GNB1: variants seen among roughly 807,000 people sequenced by gnomAD.
The protein encoded by GNB1 is G protein subunit beta 1.
GNB1 carries 2 observed loss-of-function variants against 42.9 expected under a neutral mutation model. The ratio of observed to expected loss-of-function variants is 0.05; its 90% CI spans 0.02 to 0.15. GNB1 has a LOEUF of 0.15. GNB1 is among the 10% of genes least tolerant of loss of function. The pLI, the probability that GNB1 is intolerant of heterozygous loss-of-function variation, is 1.00. For synonymous variants in GNB1, 183 were observed against 174.7 expected, an observed-to-expected ratio of 1.05 and a Z score of -0.38; for missense variants, 193 against 462.2, an observed-to-expected ratio of 0.42 and a Z score of 5.34.
chr1:1,788,453 C>A (rs1036050827), intron 10 of GNB1: 2 of 155,350 alleles, frequency 1.3e-5, no homozygotes, highest in Non-Finnish European at 2.9e-5. Context: ...CTGGTCCCCC[C>A]AGGCTGGGGA....
At chr1:1,887,705 T>A (rs1650232534) in intron 1 of GNB1, among the ~76,000 whole-genome samples, 1 of 152,292 alleles carries the variant, frequency 6.6e-6, no homozygotes, top group African/African-American at 2.4e-5. Context: ...AACCCCTGCC[T>A]CCCGGGTTCA....
At chr1:1,816,500 C>G (rs1336141997) in intron 4 of GNB1, among the ~76,000 whole-genome samples, 2 of 151,904 alleles carry the variant, frequency 1.3e-5, no homozygotes, top group Non-Finnish European at 2.9e-5. Flanking sequence ...ATTTTTTTTT[C>G]TTTAACTTAC....
chr1:1,872,103 G>A (rs1312912153), intron 1 of GNB1, among the ~76,000 whole-genome samples: 1 of 151,666 alleles, frequency 6.6e-6, no homozygotes, highest in Non-Finnish European at 1.5e-5. Flanking sequence ...CTGGGCTGAA[G>A]CGATGCTCCC....
At chr1:1,855,158 C>CAA (rs35111543) in intron 1 of GNB1, among the ~76,000 whole-genome samples, 24 of 133,114 alleles carry the variant, frequency 1.8e-4, no homozygotes, top group South Asian at 1.7e-3. Context: ...GACCGTATCT[C>CAA]AAAAAAAAAA....
At chr1:1,839,883 G>A (rs890534021) in intron 1 of GNB1, among the ~76,000 whole-genome samples, 3 of 151,846 alleles carry the variant, frequency 2.0e-5, no homozygotes, top group Non-Finnish European at 2.9e-5. Context: ...GTCTGGGCGC[G>A]GTGGCTCACA....
intron 3 of GNB1, among the ~76,000 whole-genome samples, chr1:1,820,703 A>G (rs1646920429): frequency 6.6e-6 from 1 of 152,236 alleles, no homozygotes; most frequent in South Asian, 2.1e-4. Flanking sequence ...GATTTAAGCA[A>G]CTTCCCCCGG....
intron 7 of GNB1, among the ~76,000 whole-genome samples, chr1:1,802,110 A>G (rs1181552742): frequency 1.3e-5 from 2 of 152,262 alleles, no homozygotes; most frequent in Non-Finnish European, 2.9e-5. Flanking sequence ...TAGAAAATCC[A>G]TAATCATTTT....
chr1:1,884,252 A>G (rs1264609113), intron 1 of GNB1, among the ~76,000 whole-genome samples: 4 of 151,542 alleles, frequency 2.6e-5, no homozygotes, highest in Admixed American at 2.0e-4. Context: ...GGCATGCATC[A>G]CCATGCCTGG....
At chr1:1,848,108 G>A (rs966362249) in intron 1 of GNB1, among the ~76,000 whole-genome samples, 7 of 151,952 alleles carry the variant, frequency 4.6e-5, no homozygotes, top group South Asian at 2.1e-4. Flanking sequence ...GGCCGGGTGC[G>A]GTGGCTCAGG....
intron 1 of GNB1, among the ~76,000 whole-genome samples, chr1:1,884,878 T>C (rs2101921661): frequency 6.6e-6 from 1 of 151,410 alleles, no homozygotes; most frequent in Admixed American, 6.6e-5. Context: ...AGAGACAGGG[T>C]TTCACTGTGT....
intron 1 of GNB1, among the ~76,000 whole-genome samples, chr1:1,881,329 C>G (rs766474668): frequency 6.6e-6 from 1 of 152,180 alleles, no homozygotes; most frequent in Non-Finnish European, 1.5e-5. Context: ...CCCCTGAGCA[C>G]TCTACGCTCA....
chr1:1,875,874 G>A (rs1245169246), intron 1 of GNB1, among the ~76,000 whole-genome samples: 3 of 152,148 alleles, frequency 2.0e-5, no homozygotes, highest in East Asian at 3.9e-4. Context: ...TGGAACCTGG[G>A]AATGTGACCT....
intron 1 of GNB1, among the ~76,000 whole-genome samples, chr1:1,882,868 C>G (rs1649930349): frequency 6.6e-6 from 1 of 151,520 alleles, no homozygotes; most frequent in South Asian, 2.1e-4. Flanking sequence ...TTGCAGTGAG[C>G]CGAGATCATG....
chr1:1,842,716 C>T (rs367918475), intron 1 of GNB1, among the ~76,000 whole-genome samples: 15 of 152,238 alleles, frequency 9.9e-5, no homozygotes, highest in African/African-American at 1.9e-4. Context: ...TAGCTAGAGA[C>T]GGTGGTTGCA....
chr1:1,866,542 G>A (rs1474337999), intron 1 of GNB1, among the ~76,000 whole-genome samples: 1 of 151,894 alleles, frequency 6.6e-6, no homozygotes, highest in Non-Finnish European at 1.5e-5. Context: ...ATTCATCCAG[G>A]GGTGTCCAAT....
At chr1:1,833,284 G>A (rs1380199398) in intron 2 of GNB1, among the ~76,000 whole-genome samples, 1 of 152,174 alleles carries the variant, frequency 6.6e-6, no homozygotes. Flanking sequence ...AGAGGAGTTT[G>A]CATGAGGAAT....
In GNB1 at chr1:1,891,041, C is replaced by G. The variant is rs1399751600; in HGVS notation, c.-317G>C. On this transcript the variant is annotated 5_prime_UTR_variant, in exon 1 of 12. Transcript: ENST00000378609. ...CGCCGCCGCCGCCGCCGCCTCCGTCCGCCCCTCAGACGCCTCCAGCCATCG... is the reference window on the plus strand; with the variant it reads ...CGCCGCCGCCGCCGCCGCCTCCGTCGGCCCCTCAGACGCCTCCAGCCATCG... 6.5e-6 allele frequency: 1 copy of G among 154,556 alleles called. No homozygotes were observed. The highest frequency in any genetic ancestry group is 1.4e-5 in the Non-Finnish European group (1 of 70,612). The allele number at this position is 154,556 out of a possible 1,614,324, so 9.6% of individuals were successfully genotyped here. A position where few individuals can be genotyped will look rare whatever the true frequency, so the allele number is the denominator to read the frequency against.
intron 1 of GNB1, among the ~76,000 whole-genome samples, chr1:1,846,907 G>A (rs1353751823): frequency 1.3e-5 from 2 of 152,114 alleles, no homozygotes; most frequent in Non-Finnish European, 2.9e-5. Flanking sequence ...GCAAAAGGGT[G>A]GCTTGATCAG....
At chr1:1,845,771 T>C (rs1647615276) in intron 1 of GNB1, among the ~76,000 whole-genome samples, 1 of 145,822 alleles carries the variant, frequency 6.9e-6, no homozygotes, top group Non-Finnish European at 1.5e-5. Flanking sequence ...TTGGAGACAA[T>C]GGAAATTCTC....
Sources: gnomAD v4.1 joint callset for allele counts (sites outside exome capture counted in the v4.1 genomes callset) on GRCh38, gnomAD v4.1.1 for gene constraint, MANE v1.5 for transcripts, NCBI Gene and HGNC (gene_info 2026-07-23, HGNC 2026-07-21) for gene names.